Variants in MARK1 observed in about 807,000 individuals in gnomAD.
MARK1 encodes serine/threonine-protein kinase MARK1.
Under a neutral mutation model 96.3 loss-of-function variants are expected in MARK1, and 40 were observed. That is an observed-to-expected ratio of 0.42 (90% confidence interval 0.32 to 0.54). The LOEUF is 0.54. Among genes scored for constraint, MARK1 ranks in the 20% least tolerant of loss-of-function variants. MARK1 has a pLI of 0.16. For synonymous variants in MARK1, 317 were observed against 341.2 expected, an observed-to-expected ratio of 0.93 and a Z score of 0.78; for missense variants, 719 against 984.6, an observed-to-expected ratio of 0.73 and a Z score of 3.61.
At chr1:220,567,716 G>T (rs538145359) in intron 1 of MARK1, among the ~76,000 whole-genome samples, 79 of 152,222 alleles carry the variant, frequency 5.2e-4, no homozygotes, top group African/African-American at 1.9e-3. Context: ...GCTCTCTTTT[G>T]TATAGTTCTA....
At chr1:220,545,634 T>C (rs148512733) in intron 1 of MARK1, among the ~76,000 whole-genome samples, 1,792 of 152,022 alleles carry the variant, frequency 0.012, 13 homozygotes, top group Middle Eastern at 0.034. Flanking sequence ...AATGGGAGTT[T>C]CGACATGTTG....
intron 3 of MARK1, among the ~76,000 whole-genome samples, chr1:220,594,708 A>G (rs551343627): frequency 7.2e-5 from 11 of 152,336 alleles, no homozygotes; most frequent in Admixed American, 2.0e-4. Context: ...GAAATGAGCT[A>G]TCAAGCTACG....
intron 13 of MARK1, among the ~76,000 whole-genome samples, chr1:220,646,423 A>G (rs1668578255): frequency 6.6e-6 from 1 of 152,238 alleles, no homozygotes; most frequent in South Asian, 2.1e-4. Flanking sequence ...AAGAAGATGG[A>G]AAAACATTCC....
intron 1 of MARK1, among the ~76,000 whole-genome samples, chr1:220,577,513 A>G (rs1358291372): frequency 6.6e-6 from 1 of 152,206 alleles, no homozygotes; most frequent in African/African-American, 2.4e-5. Flanking sequence ...AAATGTTGGC[A>G]TGCATCAGAA....
At position 220,533,368 on chromosome 1, in the gene MARK1, G is replaced by A. The variant is rs73101864; in HGVS notation, c.51+4495G>A. Among the ~76,000 whole-genome samples the A allele has an allele frequency of 4.6e-3, 674 of 146,230 alleles. 7 individuals are homozygous for A. Among genetic ancestry groups the A allele is most frequent in the African/African-American group, 0.014 (536 of 38,934 alleles). On this transcript the variant is annotated intron_variant, in intron 1 of 17. Coordinates refer to ENST00000366917, the MANE Select transcript of MARK1 (RefSeq NM_018650.5). ...CTTCTGACCTACATGCTATTATTAC[G>A]TCTTTTTTTTTTATAAAAATCCAGT...
chr1:220,661,693 G>A, intron 17 of MARK1, 119 bp from the exon 18 acceptor site: 1 of 699,210 alleles, frequency 1.4e-6, no homozygotes, highest in Non-Finnish European at 2.4e-6. Context: ...AGGGTGGTCT[G>A]CAAATTAGGT....
chr1:220,608,894 A>T (rs1158763718), intron 6 of MARK1, among the ~76,000 whole-genome samples: 2 of 152,130 alleles, frequency 1.3e-5, no homozygotes, highest in African/African-American at 4.8e-5. Flanking sequence ...CCTGAGTTCT[A>T]ATTTGATTGC....
intron 3 of MARK1, among the ~76,000 whole-genome samples, chr1:220,582,224 A>G (rs1010941786): frequency 2.6e-5 from 4 of 152,164 alleles, no homozygotes; most frequent in African/African-American, 9.7e-5. Flanking sequence ...CATAACACTG[A>G]TATTTCTGCC....
At chr1:220,565,126 T>G (rs980928327) in intron 1 of MARK1, among the ~76,000 whole-genome samples, 1 of 152,184 alleles carries the variant, frequency 6.6e-6, no homozygotes, top group East Asian at 1.9e-4. Flanking sequence ...AATTTTTCAT[T>G]AAGAATAGAA....
At chr1:220,601,714 ATAT>A (rs1665760144) in intron 5 of MARK1, among the ~76,000 whole-genome samples, 1 of 152,214 alleles carries the variant, frequency 6.6e-6, no homozygotes, top group African/African-American at 2.4e-5. Flanking sequence ...GGCTTTGTTA[ATAT>A]TAATATGTGT....
At chr1:220,567,688 C>T (rs1663151385) in intron 1 of MARK1, among the ~76,000 whole-genome samples, 1 of 152,094 alleles carries the variant, frequency 6.6e-6, no homozygotes, top group Admixed American at 6.6e-5. Flanking sequence ...TGAGAATGTG[C>T]CAAGCACTGT....
At chr1:220,539,203 G>A (rs1288329036) in intron 1 of MARK1, among the ~76,000 whole-genome samples, 8 of 151,164 alleles carry the variant, frequency 5.3e-5, no homozygotes, top group African/African-American at 2.0e-4. Context: ...TTGGCTGTGG[G>A]TTTGTCATAG....
chr1:220,546,334 A>G (rs1661490091), intron 1 of MARK1, among the ~76,000 whole-genome samples: 1 of 152,218 alleles, frequency 6.6e-6, no homozygotes, highest in African/African-American at 2.4e-5. Context: ...CTGTGGTGGT[A>G]TGTATTGCGA....
intron 9 of MARK1, among the ~76,000 whole-genome samples, chr1:220,628,314 T>C (rs747443721): frequency 2.0e-5 from 3 of 152,172 alleles, no homozygotes; most frequent in Non-Finnish European, 4.4e-5. Flanking sequence ...AGTGCTGCCA[T>C]CTTGCTCCTC....
intron 3 of MARK1, among the ~76,000 whole-genome samples, chr1:220,597,933 A>T (rs1030468236): frequency 3.3e-5 from 5 of 152,182 alleles, no homozygotes; most frequent in African/African-American, 9.7e-5. Context: ...AAAGAGTCAA[A>T]CCCCTAAGGA....
Position 220,653,349 on chromosome 1 carries a change from G to A in MARK1, c.1985G>A (p.Arg662His), listed in dbSNP as rs373048949. The change falls in exon 16 of 18, where the codon CGC (arginine) becomes CAC (histidine). Residue 662 changes from arginine (R) to histidine (H), a missense_variant. By Grantham distance (29) the Arg-to-His change is conservative. This residue lies in a region of MARK1 where 501 missense variants were observed against 588.3 expected (regional missense o/e 0.85). Coordinates refer to ENST00000366917, the MANE Select transcript of MARK1 (RefSeq NM_018650.5). ...AGCAAAATCACATCCAAATTTGTTC[G>A]CAGGTCAGTACCAATGTACTGTCGT... ...IISKITSKFV[R>H]RDPSEGEASG... The A allele has an allele frequency of 1.9e-5, 30 of 1,614,020 alleles. No homozygotes were observed. In the Middle Eastern group the frequency reaches 8.2e-4, roughly 44 times the overall value.
chr1:220,639,245 A>G (rs987759315), intron 13 of MARK1, among the ~76,000 whole-genome samples: 18 of 152,228 alleles, frequency 1.2e-4, no homozygotes, highest in African/African-American at 4.1e-4. Context: ...CCTGGGTGAC[A>G]GAGTGAGAGA....
In MARK1 at chr1:220,662,182, C is replaced by G; in HGVS notation, c.*16C>G. The G allele has an allele frequency of 6.3e-7, 1 of 1,581,050 alleles. No individual in the cohort carries two copies. Among genetic ancestry groups the G allele is most frequent in the Non-Finnish European group, 8.6e-7 (1 of 1,158,842 alleles). On this transcript the variant is annotated 3_prime_UTR_variant, in exon 18 of 18. Coordinates refer to ENST00000366917, the MANE Select transcript of MARK1 (RefSeq NM_018650.5). ...TAAGCTGTAAAGAAGTCCAAATTTA[C>G]AGGTTCAGGGAAGATACATACATAT... is the stretch of plus-strand genomic sequence containing the variant.
intron 1 of MARK1, among the ~76,000 whole-genome samples, chr1:220,562,204 C>T (rs1471346586): frequency 6.6e-6 from 1 of 152,160 alleles, no homozygotes; most frequent in Non-Finnish European, 1.5e-5. Context: ...GTGATTCACG[C>T]CAGTAATCCC....
Sources: allele counts gnomAD v4.1 joint callset (sites outside exome capture counted in the v4.1 genomes callset), GRCh38; gene constraint gnomAD v4.1.1; regional missense constraint gnomAD v4.1.1; transcripts MANE v1.5; gene names NCBI Gene and HGNC (gene_info 2026-07-23, HGNC 2026-07-21).